NHSL1: variants seen among roughly 807,000 people sequenced by gnomAD.
NHSL1 encodes NHS-like protein 1.
NHSL1 carries 48 observed loss-of-function variants against 95.0 expected under a neutral mutation model. The ratio of observed to expected loss-of-function variants is 0.51; its 90% CI spans 0.40 to 0.64. The LOEUF (loss-of-function observed/expected upper bound fraction) is 0.64. NHSL1 is among the 30% of genes least tolerant of loss of function. NHSL1 has a pLI of 0.00. For missense variants in NHSL1, 1,971 were observed against 2,077.7 expected (o/e 0.95, Z 1.00); for synonymous variants, 783 against 833.9 (o/e 0.94, Z 1.05).
At chr6:138,536,996 T>G (rs1583376134) in intron 1 of NHSL1, among the ~76,000 whole-genome samples, 1 of 152,286 alleles carries the variant, frequency 6.6e-6, no homozygotes, top group African/African-American at 2.4e-5. Flanking sequence ...TCCCAATTCC[T>G]CAGTACAGCA....
intron 1 of NHSL1, among the ~76,000 whole-genome samples, chr6:138,571,006 G>A (rs532124293): frequency 4.6e-5 from 7 of 152,246 alleles, no homozygotes; most frequent in South Asian, 4.1e-4. Context: ...AAGAAATATC[G>A]AACTGTTTCC....
At chr6:138,462,779 A>T (rs1022892792) in intron 3 of NHSL1, among the ~76,000 whole-genome samples, 1 of 152,210 alleles carries the variant, frequency 6.6e-6, no homozygotes, top group Non-Finnish European at 1.5e-5. Context: ...TAACTAACCA[A>T]TCAGGCTTTA....
intron 1 of NHSL1, among the ~76,000 whole-genome samples, chr6:138,551,706 A>G (rs1049572322): frequency 6.6e-6 from 1 of 152,186 alleles, no homozygotes; most frequent in Admixed American, 6.5e-5. Context: ...TAAACTGGCT[A>G]ATTTCACTGT....
intron 1 of NHSL1, among the ~76,000 whole-genome samples, chr6:138,593,331 T>C (rs915234015): frequency 2.6e-5 from 4 of 152,224 alleles, no homozygotes; most frequent in African/African-American, 9.6e-5. Context: ...AAGTTCGTGA[T>C]TCCCCGTTCA....
At chr6:138,504,659 G>A (rs1052925249) in intron 1 of NHSL1, among the ~76,000 whole-genome samples, 1 of 152,198 alleles carries the variant, frequency 6.6e-6, no homozygotes, top group African/African-American at 2.4e-5. Flanking sequence ...GGTAGGTGGT[G>A]GCAAGGGGGT....
chr6:138,426,475 T>C (rs1188688825), intron 7 of NHSL1, among the ~76,000 whole-genome samples: 1 of 152,224 alleles, frequency 6.6e-6, no homozygotes, highest in African/African-American at 2.4e-5. Context: ...GTATTTTTCC[T>C]ATCACCAAAA....
upstream of NHSL1, among the ~76,000 whole-genome samples, chr6:138,548,041 G>A (rs542080605): frequency 6.6e-6 from 1 of 152,300 alleles, no homozygotes; most frequent in African/African-American, 2.4e-5. Flanking sequence ...GGAGTGCAGT[G>A]GCACGATCTT....
At chr6:138,539,900 G>GC (rs1345774792) in intron 1 of NHSL1, among the ~76,000 whole-genome samples, 1 of 152,078 alleles carries the variant, frequency 6.6e-6, no homozygotes, top group Non-Finnish European at 1.5e-5. Context: ...GGCTTCTACT[G>GC]CAACAGATTT....
intron 1 of NHSL1, among the ~76,000 whole-genome samples, chr6:138,661,588 G>A (rs550088362): frequency 3.3e-5 from 5 of 151,678 alleles, no homozygotes; most frequent in Admixed American, 1.3e-4. Context: ...TTGGAGCCCC[G>A]GAAGTCAAGG....
chr6:138,457,130 C>T (rs188072254), intron 3 of NHSL1, among the ~76,000 whole-genome samples: 1 of 152,280 alleles, frequency 6.6e-6, no homozygotes, highest in East Asian at 1.9e-4. Context: ...ATCCGCCTGC[C>T]TCAGCCTCCC....
chr6:138,474,876 C>T (rs926747331), intron 2 of NHSL1, among the ~76,000 whole-genome samples: 5 of 152,098 alleles, frequency 3.3e-5, no homozygotes, highest in East Asian at 3.8e-4. Flanking sequence ...AGGCTGGGCG[C>T]GGTGGCTCAT....
intron 1 of NHSL1, among the ~76,000 whole-genome samples, chr6:138,542,857 A>G (rs1782636736): frequency 6.6e-6 from 1 of 152,146 alleles, no homozygotes; most frequent in Non-Finnish European, 1.5e-5. Flanking sequence ...TCGAACTCCT[A>G]GCCTCAAGCA....
intron 4 of NHSL1, 122 bp downstream of exon 4, chr6:138,446,879 G>A (rs1373661064): frequency 1.6e-5 from 13 of 821,432 alleles, no homozygotes; most frequent in Non-Finnish European, 2.5e-5. Flanking sequence ...TAAACAAAGA[G>A]CATGAAGTTG....
exon 1 of NHSL1, chr6:138,572,528 C>A (rs1467895711): frequency 6.6e-6 from 1 of 152,428 alleles, no homozygotes; most frequent in Non-Finnish European, 1.5e-5. Flanking sequence ...TCCTTCCCGT[C>A]TGTGAAGCGC....
chr6:138,502,773 G>A (rs539366721), upstream of NHSL1, among the ~76,000 whole-genome samples: 10 of 152,212 alleles, frequency 6.6e-5, no homozygotes, highest in South Asian at 2.1e-4. Context: ...TCTGTAAAAC[G>A]GGATAACAAC....
chr6:138,517,625 T>C (rs940418304), intron 1 of NHSL1, among the ~76,000 whole-genome samples: 2 of 152,198 alleles, frequency 1.3e-5, no homozygotes, highest in Admixed American at 1.3e-4. Flanking sequence ...TTTCATCATA[T>C]TAATTAAGCA....
rs539946815 is a variant in NHSL1 at position 138,657,595 on chromosome 6, C to T, written c.96+34881G>A. ...TTGGGAGGCCGAGGCAGGCGGATCACGAGGTCAGGAGATCGAGACCATCCT... is the reference window on the plus strand; with the variant it reads ...TTGGGAGGCCGAGGCAGGCGGATCATGAGGTCAGGAGATCGAGACCATCCT... On this transcript the variant is annotated intron_variant, in intron 1 of 3. Coordinates refer to the NHSL1 transcript ENST00000491526. 8.6e-5 allele frequency among the ~76,000 whole-genome samples: 13 copies of T among 151,894 alleles called. No individual in the cohort carries two copies. The East Asian group carries it at 1.9e-3, about 23-fold the overall frequency.
intron 1 of NHSL1, among the ~76,000 whole-genome samples, chr6:138,563,390 G>T (rs1424792466): frequency 6.6e-6 from 1 of 152,106 alleles, no homozygotes; most frequent in Admixed American, 6.5e-5. Flanking sequence ...GAAGGATTAC[G>T]TAAAGGAAGT....
intron 1 of NHSL1, among the ~76,000 whole-genome samples, chr6:138,676,712 CA>C (rs1785453875): frequency 6.6e-6 from 1 of 152,154 alleles, no homozygotes; most frequent in African/African-American, 2.4e-5. Context: ...TAGAGTGCAG[CA>C]GCACAATCTC....
Sources: allele counts gnomAD v4.1 joint callset (sites outside exome capture counted in the v4.1 genomes callset), GRCh38; gene constraint gnomAD v4.1.1; transcripts MANE v1.5; gene names NCBI Gene and HGNC (gene_info 2026-07-23, HGNC 2026-07-21).